FBXO4: variants seen among roughly 807,000 people sequenced by gnomAD.
The protein encoded by FBXO4 is F-box protein 4, also known as F-box only protein 4.
FBXO4 carries 36 observed loss-of-function variants against 43.7 expected under a neutral mutation model. That is an observed-to-expected ratio of 0.82 (90% CI 0.63 to 1.09). The LOEUF (loss-of-function observed/expected upper bound fraction) is 1.09, where lower values mean the gene tolerates loss of function less well. FBXO4 is among the 50% of genes least tolerant of loss of function. The pLI is 0.00. For synonymous variants in FBXO4, 180 were observed against 165.6 expected (o/e 1.09, Z -0.67); for missense variants, 435 against 474.1 (o/e 0.92, Z 0.77).
At chr5:41,984,991 A>G in the FBXO4 span, among the ~76,000 whole-genome samples, 9 of 152,162 alleles carry the variant, frequency 5.9e-5, no homozygotes, top group Admixed American at 2.6e-4. Context: ...GAGAACTTCT[A>G]TCTACCCTAC....
the FBXO4 span, among the ~76,000 whole-genome samples, chr5:41,996,025 A>G: frequency 6.6e-6 from 1 of 152,108 alleles, no homozygotes; most frequent in South Asian, 2.1e-4. Context: ...CCGTCTGTGA[A>G]CCAGGCCCTA....
chr5:42,017,526 T>C, the FBXO4 span, among the ~76,000 whole-genome samples: 1 of 152,072 alleles, frequency 6.6e-6, no homozygotes, highest in African/African-American at 2.4e-5. Context: ...GTTTGGGACA[T>C]GAATTATCCT....
At chr5:41,968,539 A>C in the FBXO4 span, among the ~76,000 whole-genome samples, 2 of 152,256 alleles carry the variant, frequency 1.3e-5, no homozygotes, top group Admixed American at 1.3e-4. Flanking sequence ...AGCAGGGGGC[A>C]ACACGTTGGG....
chr5:41,948,349 A>T, the FBXO4 span, among the ~76,000 whole-genome samples: 1 of 151,998 alleles, frequency 6.6e-6, no homozygotes, highest in African/African-American at 2.4e-5. Context: ...GTTAGCCAGG[A>T]TGGTCTTGAG....
At chr5:41,999,541 ATATGTATATATATATATATATG>A in the FBXO4 span, among the ~76,000 whole-genome samples, 2 of 109,350 alleles carry the variant, frequency 1.8e-5, no homozygotes, top group African/African-American at 9.4e-5. Flanking sequence ...ATATACATAT[ATATGTATATATATATATATATG>A]TATATATATA....
At chr5:41,932,394 C>G (rs1302141687) in intron 3 of FBXO4, among the ~76,000 whole-genome samples, 1 of 152,126 alleles carries the variant, frequency 6.6e-6, no homozygotes, top group African/African-American at 2.4e-5. Flanking sequence ...GGCTGGAGGA[C>G]TAGGATCACA....
At chr5:41,960,681 G>A in the FBXO4 span, among the ~76,000 whole-genome samples, 11 of 152,118 alleles carry the variant, frequency 7.2e-5, no homozygotes, top group South Asian at 2.1e-4. Flanking sequence ...AATTATTCTG[G>A]TGTTGATGTT....
chr5:41,974,220 G>C, the FBXO4 span, among the ~76,000 whole-genome samples: 2 of 152,026 alleles, frequency 1.3e-5, no homozygotes, highest in South Asian at 2.1e-4. Context: ...TATCTTTCCT[G>C]GTGTTCTCTG....
chr5:41,930,518 G>A (rs141675197), intron 3 of FBXO4, among the ~76,000 whole-genome samples: 332 of 152,298 alleles, frequency 2.2e-3, no homozygotes, highest in African/African-American at 7.6e-3. Flanking sequence ...GATGTATTTA[G>A]TTCCTGGGTA....
At chr5:42,013,902 A>C in the FBXO4 span, among the ~76,000 whole-genome samples, 1 of 152,188 alleles carries the variant, frequency 6.6e-6, no homozygotes, top group Admixed American at 6.5e-5. Flanking sequence ...TCAGCTGCCG[A>C]GAGGAGACAA....
At chr5:42,002,637 C>T in the FBXO4 span, among the ~76,000 whole-genome samples, 14,531 of 152,124 alleles carry the variant, frequency 0.096, 1,038 homozygotes, top group African/African-American at 0.19. Flanking sequence ...TGTTAAATAA[C>T]GTTTTTTCCT....
At chr5:42,008,659 G>A in the FBXO4 span, among the ~76,000 whole-genome samples, 1 of 152,066 alleles carries the variant, frequency 6.6e-6, no homozygotes. Context: ...CTGTCCAGAA[G>A]TGCCTTAACA....
At chr5:41,976,547 C>T in the FBXO4 span, among the ~76,000 whole-genome samples, 11 of 152,152 alleles carry the variant, frequency 7.2e-5, no homozygotes, top group African/African-American at 1.9e-4. Flanking sequence ...GCAGGGCAGG[C>T]GTTAAATCTT....
chr5:42,007,919 T>A, the FBXO4 span, among the ~76,000 whole-genome samples: 3 of 152,068 alleles, frequency 2.0e-5, no homozygotes, highest in Admixed American at 2.0e-4. Flanking sequence ...TTTTTTCTAG[T>A]CATTTGTTTT....
the FBXO4 span, among the ~76,000 whole-genome samples, chr5:41,986,912 T>A: frequency 3.3e-5 from 5 of 152,156 alleles, no homozygotes; most frequent in Non-Finnish European, 7.4e-5. Context: ...TTTATTTTCA[T>A]TGTTGTTGCC....
the FBXO4 span, among the ~76,000 whole-genome samples, chr5:41,983,692 A>T: frequency 1.3e-5 from 2 of 152,126 alleles, no homozygotes; most frequent in Non-Finnish European, 2.9e-5. Context: ...TGTTGAATTT[A>T]AGCCATTGCA....
At chr5:41,992,478 CAGA>C in the FBXO4 span, among the ~76,000 whole-genome samples, 1 of 152,120 alleles carries the variant, frequency 6.6e-6, no homozygotes, top group African/African-American at 2.4e-5. Context: ...TGGAGAAGCA[CAGA>C]AGAAGAAGAG....
chr5:41,993,051 A>C, the FBXO4 span, among the ~76,000 whole-genome samples: 1 of 152,190 alleles, frequency 6.6e-6, no homozygotes, highest in Non-Finnish European at 1.5e-5. Context: ...AACATATTGT[A>C]AACCCTTTTT....
the FBXO4 span, among the ~76,000 whole-genome samples, chr5:42,025,569 G>T: frequency 6.6e-6 from 1 of 151,812 alleles, no homozygotes; most frequent in African/African-American, 2.4e-5. Context: ...ATTCATTTTT[G>T]CTTTGGTTGC....
Sources: allele counts gnomAD v4.1 joint callset (sites outside exome capture counted in the v4.1 genomes callset), GRCh38; gene constraint gnomAD v4.1.1; transcripts MANE v1.5; gene names NCBI Gene and HGNC (gene_info 2026-07-23, HGNC 2026-07-21).